TIMD4: variants seen among roughly 807,000 people sequenced by gnomAD.
TIMD4 encodes T-cell immunoglobulin and mucin domain-containing protein 4.
In TIMD4, 31 loss-of-function variants were observed where a neutral mutation model predicts 41.2. The observed-to-expected ratio is 0.75, with a 90% confidence interval of 0.57 to 1.01. The LOEUF (loss-of-function observed/expected upper bound fraction) is 1.01. TIMD4 is among the 50% of genes least tolerant of loss of function. The pLI, the probability that TIMD4 is intolerant of heterozygous loss-of-function variation, is 0.00. For missense variants in TIMD4, 479 were observed against 472.5 expected (o/e 1.01, Z -0.13); for synonymous variants, 204 against 177.1 (o/e 1.15, Z -1.21).
At chr5:156,924,261 C>T in intron 6 of TIMD4, 1 of 378,932 alleles carries the variant, frequency 2.6e-6, no homozygotes, top group African/African-American at 2.1e-5. Flanking sequence ...TTCTCGAGGG[C>T]TAATCTAAAC....
intron 5 of TIMD4, among the ~76,000 whole-genome samples, chr5:156,932,252 T>C (rs2113353220): frequency 6.6e-6 from 1 of 152,332 alleles, no homozygotes; most frequent in Middle Eastern, 3.4e-3. Flanking sequence ...TGGTAAAATA[T>C]TATTTGTATC....
In TIMD4 at chr5:156,926,284, G is replaced by T. The variant is rs762955549; in HGVS notation, c.873C>A (p.Asn291Lys). ...TTACCTGTCCTGTTTTTGTTGTTTT[G>T]TTCTGCTCAGGAACTGCTGTATCAG... ...GASDTAVPEQ[N>K]KTTKTGQMDG... Residue 291 changes from asparagine (N) to lysine (K), a missense_variant, in exon 6 of 9, where the codon AAC becomes AAA. Transcript: ENST00000274532. 3.7e-6 allele frequency: 6 copies of T among 1,613,482 alleles called. No individual in the cohort carries two copies. The highest frequency in any genetic ancestry group is 5.1e-6 in the Non-Finnish European group (6 of 1,179,644).
rs149859629 is a variant in TIMD4 at position 156,951,524 on chromosome 5, T to C, written c.667A>G (p.Ile223Val). 2 of 1,614,030 alleles carry C rather than the reference T, an allele frequency of 1.2e-6. No individual in the cohort carries two copies. The highest frequency in any genetic ancestry group is 2.7e-5 in the African/African-American group (2 of 74,912). The change falls in exon 3 of 9, where the codon ATC (isoleucine) becomes GTC (valine). Residue 223 changes from isoleucine to valine, a missense_variant. Ile to Val is a conservative substitution (Grantham distance 29). Transcript: ENST00000274532. ...LTPEPSKEGPILTAESETVLP... is the reference protein window; with the variant it reads ...LTPEPSKEGPVLTAESETVLP... ...TACATCTGCGTACCTGCAGTGAGGA[T>C]GGGCCCTTCCTTAGAAGGCTCGGGA...
At chr5:156,950,028 G>A (rs958716483) in intron 3 of TIMD4, among the ~76,000 whole-genome samples, 5 of 152,096 alleles carry the variant, frequency 3.3e-5, no homozygotes, top group Non-Finnish European at 7.3e-5. Flanking sequence ...ATGTTGGCTG[G>A]GATGGTCTCA....
At chr5:156,938,554 C>A (rs1759581617) in intron 5 of TIMD4, among the ~76,000 whole-genome samples, 1 of 152,264 alleles carries the variant, frequency 6.6e-6, no homozygotes, top group East Asian at 1.9e-4. Context: ...ATTGTTCTCA[C>A]ACCTTCATTT....
intron 5 of TIMD4, among the ~76,000 whole-genome samples, chr5:156,940,252 A>C (rs1759617690): frequency 6.6e-6 from 1 of 152,166 alleles, no homozygotes; most frequent in South Asian, 2.1e-4. Flanking sequence ...TCTCACTTAC[A>C]CAGTGCTCAA....
rs747609436 is a variant in TIMD4 at position 156,922,171 on chromosome 5, G to T, written c.940C>A (p.Gln314Lys). 6.2e-7 allele frequency: 1 copy of T among 1,613,918 alleles called. No individual in the cohort carries two copies. The highest frequency in any genetic ancestry group is 1.3e-5 in the African/African-American group (1 of 74,918). ...MSMKNEMPIS[Q>K]LLMIIAPSLG... ...GAGGGGGCGATGATCATCAGTAGTT[G>T]GGAGATGGGCATTTCATTCTTCATT... Residue 314 changes from glutamine to lysine, a missense_variant, in exon 7 of 9, where the codon CAA (glutamine) becomes AAA (lysine). Transcript: ENST00000274532.
At chr5:156,947,510 T>C (rs941194708) in intron 5 of TIMD4, among the ~76,000 whole-genome samples, 1 of 152,188 alleles carries the variant, frequency 6.6e-6, no homozygotes, top group African/African-American at 2.4e-5. Flanking sequence ...TGCAGCACTG[T>C]TTATAAAAAG....
chr5:156,940,383 C>G (rs1279696562), intron 5 of TIMD4, among the ~76,000 whole-genome samples: 1 of 152,002 alleles, frequency 6.6e-6, no homozygotes, highest in Non-Finnish European at 1.5e-5. Context: ...GCCACCCCAT[C>G]TAGGAAGTGA....
At chr5:156,920,382 T>A in intron 8 of TIMD4, 82 bp downstream of exon 8, 3 of 1,449,226 alleles carry the variant, frequency 2.1e-6, no homozygotes, top group Non-Finnish European at 2.9e-6. Flanking sequence ...CAAGCTCAAG[T>A]CATTAAACCA....
At chr5:156,943,610 T>G (rs111991402) in intron 5 of TIMD4, among the ~76,000 whole-genome samples, 119 of 152,292 alleles carry the variant, frequency 7.8e-4, no homozygotes, top group Non-Finnish European at 1.1e-3. Context: ...GTAGGGAACT[T>G]AATCCCAGCC....
chr5:156,922,131 A>G lies in TIMD4; in HGVS notation c.980T>C (p.Leu327Pro). 1 of 1,613,960 alleles carries G rather than the reference A, an allele frequency of 6.2e-7. No individual in the cohort carries two copies. The highest frequency in any genetic ancestry group is 1.7e-4 in the Middle Eastern group (1 of 6,060). Residue 327 changes from leucine (L) to proline (P), a missense_variant, in exon 7 of 9, where the codon CTC becomes CCC. Physicochemically the swap from Leu to Pro is moderately conservative, Grantham distance 98 (BLOSUM62 -3). Transcript: ENST00000274532. ...MIIAPSLGFV[L>P]FALFVAFLLR... ...GAGAAACGCCACAAACAATGCGAAG[A>G]GCACAAATCCCAAGGAGGGGGCGAT...
At chr5:156,948,961 C>CCAGG (rs1313025918) in intron 4 of TIMD4, among the ~76,000 whole-genome samples, 1 of 152,174 alleles carries the variant, frequency 6.6e-6, no homozygotes, top group Non-Finnish European at 1.5e-5. Flanking sequence ...TACAAATGTG[C>CCAGG]CAGGCACTCT....
chr5:156,959,423 G>A (rs1028731125), intron 1 of TIMD4, among the ~76,000 whole-genome samples: 26 of 152,048 alleles, frequency 1.7e-4, no homozygotes, highest in African/African-American at 4.1e-4. Context: ...GTATTAATAC[G>A]CGTAACAAAG....
chr5:156,953,608 T>G (rs1248168222), intron 2 of TIMD4, among the ~76,000 whole-genome samples: 1 of 140,642 alleles, frequency 7.1e-6, no homozygotes, highest in African/African-American at 2.7e-5. Flanking sequence ...GAGATGAAAT[T>G]GTGCCACTGT....
At chr5:156,946,676 G>A (rs935443777) in intron 5 of TIMD4, among the ~76,000 whole-genome samples, 5 of 150,762 alleles carry the variant, frequency 3.3e-5, no homozygotes, top group East Asian at 2.0e-4. Flanking sequence ...TAGTAGAGAC[G>A]GGGTTTCACC....
chr5:156,931,465 A>C (rs920366335), intron 5 of TIMD4, among the ~76,000 whole-genome samples: 1 of 152,224 alleles, frequency 6.6e-6, no homozygotes, highest in Non-Finnish European at 1.5e-5. Context: ...ATCTTAAATT[A>C]ATTAAAATTT....
In TIMD4 at chr5:156,949,621, G is replaced by C. The variant is rs769978144; in HGVS notation, c.760+30C>G. On this transcript the variant is annotated intron_variant, in intron 4 of 8. Transcript: ENST00000274532. ...CCTTCTCCTCAGTACAAAGGGTGAG[G>C]GAGGACAGAGAGAGTGAGTGTCTGC... The C allele has an allele frequency of 1.9e-6, 3 of 1,557,756 alleles. No individual in the cohort carries two copies. In the East Asian group the frequency reaches 6.7e-5, roughly 35 times the overall value.
At chr5:156,949,265 C>T (rs10039074) in intron 4 of TIMD4, among the ~76,000 whole-genome samples, 3,869 of 152,284 alleles carry the variant, frequency 0.025, 99 homozygotes, top group African/African-American at 0.066. Flanking sequence ...AACCCCTCAG[C>T]AGTCTCAACA....
Sources: gnomAD v4.1 joint callset for allele counts (sites outside exome capture counted in the v4.1 genomes callset) on GRCh38, gnomAD v4.1.1 for gene constraint, MANE v1.5 for transcripts, NCBI Gene and HGNC (gene_info 2026-07-23, HGNC 2026-07-21) for gene names.